The following TSC22D1 variants were observed in gnomAD, a reference collection of about 807,000 sequenced individuals.
The protein encoded by TSC22D1 is TSC22 domain family protein 1.
Under a neutral mutation model 74.2 loss-of-function variants are expected in TSC22D1, and 9 were observed. The ratio of observed to expected loss-of-function variants is 0.12; its 90% CI spans 0.07 to 0.21. The LOEUF (loss-of-function observed/expected upper bound fraction) is 0.21, where lower values mean the gene tolerates loss of function less well. Among genes scored for constraint, TSC22D1 ranks in the 10% least tolerant of loss-of-function variants. TSC22D1 has a pLI of 1.00. For missense variants in TSC22D1, 1,427 were observed against 1,304.7 expected (o/e 1.09, Z -1.44); for synonymous variants, 586 against 492.5 (o/e 1.19, Z -2.51).
intron 1 of TSC22D1, among the ~76,000 whole-genome samples, chr13:44,551,213 G>A (rs1054545893): frequency 6.6e-6 from 1 of 151,406 alleles, no homozygotes; most frequent in African/African-American, 2.4e-5. Context: ...AGAAGTGGCA[G>A]TGATCCAAGA....
At chr13:44,537,751 C>T (rs991209837) in intron 1 of TSC22D1, 6 of 980,810 alleles carry the variant, frequency 6.1e-6, no homozygotes, top group Non-Finnish European at 7.3e-6. Flanking sequence ...CTTTTAAATA[C>T]TATACTTAAC....
intron 1 of TSC22D1, among the ~76,000 whole-genome samples, chr13:44,473,609 G>A (rs1877731504): frequency 6.7e-6 from 1 of 149,272 alleles, no homozygotes; most frequent in African/African-American, 2.5e-5. Flanking sequence ...GTATATATGT[G>A]TGTGTGTGTG....
At chr13:44,453,363 A>G (rs1876312575) in intron 1 of TSC22D1, among the ~76,000 whole-genome samples, 1 of 152,242 alleles carries the variant, frequency 6.6e-6, no homozygotes, top group Non-Finnish European at 1.5e-5. Flanking sequence ...CAAGTTATAA[A>G]TACAGCAGAA....
chr13:44,546,352 A>C (rs1246119651), intron 1 of TSC22D1, among the ~76,000 whole-genome samples: 1 of 152,208 alleles, frequency 6.6e-6, no homozygotes, highest in Non-Finnish European at 1.5e-5. Context: ...AATGATCAAG[A>C]TGACATCACC....
At chr13:44,494,948 A>G (rs1878898340) in intron 1 of TSC22D1, among the ~76,000 whole-genome samples, 1 of 152,226 alleles carries the variant, frequency 6.6e-6, no homozygotes, top group Non-Finnish European at 1.5e-5. Flanking sequence ...AAATTCTAGA[A>G]TTGATAAATA....
chr13:44,524,333 G>T (rs1045470089), intron 1 of TSC22D1, among the ~76,000 whole-genome samples: 1 of 150,080 alleles, frequency 6.7e-6, no homozygotes, highest in South Asian at 2.1e-4. Flanking sequence ...TCAGAGAACC[G>T]AGATCACAGG....
intron 1 of TSC22D1, among the ~76,000 whole-genome samples, chr13:44,495,678 A>C (rs1246870885): frequency 6.6e-6 from 1 of 152,204 alleles, no homozygotes; most frequent in Non-Finnish European, 1.5e-5. Flanking sequence ...GTGGAATAAA[A>C]CTGAGAATCT....
chr13:44,460,912 G>A (rs1008990302), intron 1 of TSC22D1, among the ~76,000 whole-genome samples: 1 of 152,154 alleles, frequency 6.6e-6, no homozygotes, highest in Admixed American at 6.5e-5. Flanking sequence ...GTAGAAATGT[G>A]AAAACAATGG....
intron 1 of TSC22D1, chr13:44,539,848 G>A (rs1189828487): frequency 5.4e-6 from 7 of 1,289,602 alleles, no homozygotes; most frequent in South Asian, 1.2e-5. Context: ...GACCCCTGAC[G>A]TCAAAAGCTC....
At chr13:44,463,803 C>T (rs919817043) in intron 1 of TSC22D1, among the ~76,000 whole-genome samples, 28 of 152,150 alleles carry the variant, frequency 1.8e-4, no homozygotes, top group African/African-American at 6.8e-4. Flanking sequence ...AAAAATTAGT[C>T]ATTTCCCATA....
chr13:44,500,083 C>T (rs1186572800), intron 1 of TSC22D1, among the ~76,000 whole-genome samples: 5 of 144,418 alleles, frequency 3.5e-5, no homozygotes, highest in African/African-American at 7.7e-5. Context: ...AGCGAAAGCC[C>T]GTCTCAAAAA....
chr13:44,477,021 C>G (rs1877949267), intron 1 of TSC22D1, among the ~76,000 whole-genome samples: 1 of 151,980 alleles, frequency 6.6e-6, no homozygotes, highest in Non-Finnish European at 1.5e-5. Flanking sequence ...GCTCTGTCGC[C>G]CAGGCTGGAG....
Position 44,576,053 on chromosome 13 carries a change from T to A in TSC22D1, c.22A>T (p.Thr8Ser). The part of the protein sequence containing the change: MHQPPES[T>S]AAAAAAADIS... ...TCTGCAGCGGCGGCGGCCGCGGCGG[T>A]GGACTCAGGCGGCTGGTGCATTGTG... The change falls in exon 1 of 3, where the codon ACC becomes TCC. Residue 8 changes from threonine (T) to serine (S), a missense_variant. Thr to Ser is a moderately conservative substitution (Grantham distance 58, BLOSUM62 1). Around this residue, in one of 3 missense-constraint regions of TSC22D1, gnomAD observed 1,343 missense variants for 1,191.5 expected, o/e 1.13. Transcript: ENST00000458659. 1 of 1,564,626 alleles carries A rather than the reference T, an allele frequency of 6.4e-7. No individual in the cohort carries two copies. The highest frequency in any genetic ancestry group is 1.2e-5 in the South Asian group (1 of 85,676).
intron 1 of TSC22D1, among the ~76,000 whole-genome samples, chr13:44,515,827 TGA>T (rs1286447911): frequency 6.6e-6 from 1 of 152,166 alleles, no homozygotes; most frequent in Non-Finnish European, 1.5e-5. Flanking sequence ...GCTAGGAAGG[TGA>T]GAAGTATTTG....
chr13:44,527,729 C>G (rs1484152422), intron 1 of TSC22D1, among the ~76,000 whole-genome samples: 1 of 152,022 alleles, frequency 6.6e-6, no homozygotes, highest in Admixed American at 6.5e-5. Context: ...CTTAAATACA[C>G]CAATTAAAAC....
chr13:44,451,585 G>C (rs956718728), intron 1 of TSC22D1: 8 of 152,238 alleles, frequency 5.3e-5, no homozygotes, highest in Admixed American at 5.2e-4. Context: ...CCTGCTACCA[G>C]AGTGAAAGGG....
At position 44,575,407 on chromosome 13, in the gene TSC22D1, TGGTGATGGA is replaced by T. The variant is rs765874261; in HGVS notation, c.659_667del (p.Leu220_His222del). 2 of 1,613,782 alleles carry T rather than the reference TGGTGATGGA, an allele frequency of 1.2e-6. No individual in the cohort carries two copies. Among genetic ancestry groups the T allele is most frequent in the Non-Finnish European group, 1.7e-6 (2 of 1,179,862 alleles). On this transcript the variant is annotated inframe_deletion, in exon 1 of 3. Coordinates refer to ENST00000458659, the MANE Select transcript of TSC22D1 (RefSeq NM_183422.4). The stretch of plus-strand genomic sequence containing the variant: ...GTGGTGCCCATGATGAATCTGATGG[TGGTGATGGA>T]GGTGGTGTGGATGAGCATTCCCATT...
intron 1 of TSC22D1, among the ~76,000 whole-genome samples, chr13:44,534,744 CA>C (rs1337373608): frequency 6.6e-6 from 1 of 152,122 alleles, no homozygotes; most frequent in Admixed American, 6.5e-5. Context: ...CTTAATTTCT[CA>C]AACCAAAATA....
intron 1 of TSC22D1, among the ~76,000 whole-genome samples, chr13:44,446,444 T>C (rs2138889182): frequency 6.6e-6 from 1 of 151,816 alleles, no homozygotes; most frequent in Non-Finnish European, 1.5e-5. Context: ...TTTCAAAACA[T>C]GTAGAACTCA....
Sources: allele counts gnomAD v4.1 joint callset (sites outside exome capture counted in the v4.1 genomes callset), GRCh38; gene constraint gnomAD v4.1.1; regional missense constraint gnomAD v4.1.1; transcripts MANE v1.5; gene names NCBI Gene and HGNC (gene_info 2026-07-23, HGNC 2026-07-21).